Variants in SASH3 observed in about 807,000 individuals in gnomAD.
SASH3 encodes the protein SAM and SH3 domain containing 3, also known as SAM and SH3 domain-containing protein 3.
SASH3 carries 7 observed loss-of-function variants against 26.1 expected under a neutral mutation model. That is an observed-to-expected ratio of 0.27 (90% CI 0.15 to 0.50). The LOEUF is 0.50. SASH3 is among the 20% of genes least tolerant of loss of function. The pLI, the probability that SASH3 is intolerant of heterozygous loss-of-function variation, is 0.98. For synonymous variants in SASH3, 138 were observed against 136.8 expected, an observed-to-expected ratio of 1.01 and a Z score of -0.06; for missense variants, 231 against 318.3, an observed-to-expected ratio of 0.73 and a Z score of 2.09.
intron 4 of SASH3, 152 bp downstream of exon 4, chrX:129,791,233 T>C (rs1335141138): frequency 3.4e-5 from 19 of 554,693 alleles, no homozygotes; most frequent in Non-Finnish European, 5.5e-5. Flanking sequence ...TCACATTAAA[T>C]CTTCTCAACA....
At chrX:129,788,137 G>GGGGGGGGGCCGCC in intron 2 of SASH3, 67 bp downstream of exon 2, 1 of 354,277 alleles carries the variant, frequency 2.8e-6, no homozygotes, top group Non-Finnish European at 5.4e-6. Flanking sequence ...GGGTGGGAGG[G>GGGGGGGGGCCGCC]AAGAGGGTGA....
At chrX:129,788,137 G>GGGGCTGGC in intron 2 of SASH3, 67 bp downstream of exon 2, 15 of 354,241 alleles carry the variant, frequency 4.2e-5, no homozygotes, top group Non-Finnish European at 4.9e-5. Flanking sequence ...GGGTGGGAGG[G>GGGGCTGGC]AAGAGGGTGA....
At chrX:129,790,882 C>T in intron 3 of SASH3, 58 bp from the exon 4 acceptor site, 1 of 1,165,132 alleles carries the variant, frequency 8.6e-7, no homozygotes, top group Non-Finnish European at 1.2e-6. Flanking sequence ...CCCATTTCTT[C>T]AGCTTCATGC....
chrX:129,786,336 A>C (rs1323585363), intron 1 of SASH3, among the ~76,000 whole-genome samples: 2 of 112,132 alleles, frequency 1.8e-5, no homozygotes, highest in Non-Finnish European at 3.8e-5. Context: ...GCTACACTGC[A>C]GTCCCCAGGA....
intron 1 of SASH3, among the ~76,000 whole-genome samples, chrX:129,786,688 T>G (rs1342930742): frequency 8.9e-6 from 1 of 111,842 alleles, no homozygotes; most frequent in East Asian, 2.8e-4. Context: ...TGCATGTGCA[T>G]GCATATATAT....
rs1192833818 is a variant in SASH3, at chrX:129,794,105, C to T, written c.*273C>T. 2.8e-6 allele frequency: 1 copy of T among 360,192 alleles called. No homozygotes were observed. The highest frequency in any genetic ancestry group is 4.9e-6 in the Non-Finnish European group (1 of 204,578). 29.7% of individuals were successfully genotyped at this position (360,192 alleles called of 1,213,427 possible). The stretch of plus-strand genomic sequence containing the variant: ...GCAGCCCCTCCTGGCACCAACTGCT[C>T]CCCTGCCATGGCCACGGCCACAGCA... On this transcript the variant is annotated 3_prime_UTR_variant, in exon 8 of 8. Transcript: ENST00000356892.
intron 2 of SASH3, 60 bp downstream of exon 2, chrX:129,788,130 T>TGGGGGGGGGGGGGGGGGGGGGGGGGGG: frequency 6.4e-6 from 1 of 157,208 alleles, no homozygotes; most frequent in East Asian, 1.2e-4. Flanking sequence ...GGGGTGGGGG[T>TGGGGGGGGGGGGGGGGGGGGGGGGGGG]GGGAGGGAAG....
rs201751439 is a variant in SASH3 at position 129,791,056 on chromosome X, G to A, written c.417G>A (p.Pro139=). The A allele has an allele frequency of 2.6e-5, 31 of 1,209,600 alleles. No homozygotes were observed. Among genetic ancestry groups the A allele is most frequent in the Middle Eastern group, 4.7e-4 (2 of 4,296 alleles). ...CTGAGCAAGAGGAGCATGAACTTCC[G>A]GTGCTCAGCCGCCAGGCATCAACAG... The part of the protein sequence containing the change: ...AFSEQEEHEL[P]VLSRQASTGS... Residue 139 remains proline (P), a synonymous_variant, in exon 4 of 8, where the codon CCG becomes CCA. Coordinates refer to ENST00000356892, the MANE Select transcript of SASH3 (RefSeq NM_018990.4).
intron 1 of SASH3, among the ~76,000 whole-genome samples, chrX:129,782,935 G>C (rs1366576471): frequency 9.0e-6 from 1 of 111,665 alleles, no homozygotes; most frequent in Admixed American, 9.5e-5. Context: ...CAAGCCCTTT[G>C]ATCTGATTTC....
At chrX:129,790,827 A>G in intron 3 of SASH3, 113 bp from the exon 4 acceptor site, 1 of 808,877 alleles carries the variant, frequency 1.2e-6, no homozygotes. Context: ...TATAAGTGGT[A>G]GAGTTGGGGT....
At chrX:129,790,484 T>G (rs1037608997) in intron 3 of SASH3, among the ~76,000 whole-genome samples, 18 of 109,492 alleles carry the variant, frequency 1.6e-4, no homozygotes, top group African/African-American at 5.6e-4. Flanking sequence ...GCCTTACTCC[T>G]CATTTGTAAA....
chrX:129,793,001 A>T lies in SASH3; in HGVS notation c.814A>T (p.Thr272Ser). Residue 272 changes from threonine (T) to serine (S), a missense_variant, in exon 7 of 8, where the codon ACC (threonine) becomes TCC (serine). Physicochemically the swap from Thr to Ser is moderately conservative, Grantham distance 58. Coordinates refer to ENST00000356892, the MANE Select transcript of SASH3 (RefSeq NM_018990.4). ...CCTCTGCCTACAGGAGCACACATCC[A>T]CCCTCCTGCTCAATGGCTACCAGAC... ...ERIGLEEHTS[T>S]LLLNGYQTLE... 8.3e-7 allele frequency: 1 copy of T among 1,210,058 alleles called. No homozygotes were observed.
In SASH3 at chrX:129,794,727, C is replaced by G. The variant is rs1419741446; in HGVS notation, c.*895C>G. On this transcript the variant is annotated 3_prime_UTR_variant, in exon 8 of 8. Transcript: ENST00000356892. ...CCTCCCGTTCCATCCCTGGCCCCCT[C>G]AAACGAGACTTCTCACAAGGCTGAT... 7 of 111,562 alleles carry G rather than the reference C, an allele frequency of 6.3e-5. No homozygotes were observed. The highest frequency in any genetic ancestry group is 2.3e-4 in the African/African-American group (7 of 30,660). The allele number at this position is 111,562 out of a possible 1,213,427, so 9.2% of individuals were successfully genotyped here. A position where few individuals can be genotyped will look rare whatever the true frequency, so the allele number is the denominator to read the frequency against.
chrX:129,788,475 G>A lies in SASH3; in HGVS notation c.198G>A (p.Gly66=). 1 of 1,211,512 alleles carries A rather than the reference G, an allele frequency of 8.3e-7. No individual in the cohort carries two copies. The highest frequency in any genetic ancestry group is 1.1e-6 in the Non-Finnish European group (1 of 895,127). ...DSGVPTPEDA[G]KSGKKLGKKW... ...GTGTCCCCACCCCAGAAGATGCTGG[G>A]AAGAGTGGCAAAAAGCTGGGGAAGA... is the stretch of plus-strand genomic sequence containing the variant. The change falls in exon 3 of 8, where the codon GGG becomes GGA. Residue 66 remains glycine (G), a synonymous_variant. Coordinates refer to ENST00000356892, the MANE Select transcript of SASH3 (RefSeq NM_018990.4).
intron 1 of SASH3, 70 bp from the exon 2 acceptor site, chrX:129,787,902 TGGG>T: frequency 1.3e-6 from 1 of 781,241 alleles, no homozygotes. Context: ...TATTGTGTGG[TGGG>T]GGGAGGCGAG....
chrX:129,783,649 G>A (rs956614176), intron 1 of SASH3, among the ~76,000 whole-genome samples: 2 of 112,112 alleles, frequency 1.8e-5, no homozygotes, highest in Middle Eastern at 4.6e-3. Flanking sequence ...CTGGCACACA[G>A]GAAGTGCTTG....
chrX:129,791,692 A>T (rs762593382), intron 4 of SASH3, among the ~76,000 whole-genome samples: 30 of 111,785 alleles, frequency 2.7e-4, no homozygotes, highest in African/African-American at 8.1e-4. Context: ...CTTGCCCCTC[A>T]AGTCCACTCC....
At chrX:129,790,618 G>A (rs1340501388) in intron 3 of SASH3, among the ~76,000 whole-genome samples, 1 of 111,429 alleles carries the variant, frequency 9.0e-6, no homozygotes, top group Non-Finnish European at 1.9e-5. Context: ...TGTCTGCCCA[G>A]TTGTGCGGTA....
chrX:129,780,230 T>C, intron 1 of SASH3, 76 bp downstream of exon 1: 1 of 977,810 alleles, frequency 1.0e-6, no homozygotes, highest in Non-Finnish European at 1.4e-6. Flanking sequence ...CTCTTGGAAG[T>C]GGGAAGAGCC....
Sources: gnomAD v4.1 joint callset for allele counts (sites outside exome capture counted in the v4.1 genomes callset) on GRCh38, gnomAD v4.1.1 for gene constraint, MANE v1.5 for transcripts, NCBI Gene and HGNC (gene_info 2026-07-23, HGNC 2026-07-21) for gene names.